QRSL1: variants seen among roughly 807,000 people sequenced by gnomAD.
The protein encoded by QRSL1 is glutamyl-tRNA(Gln) amidotransferase subunit A, mitochondrial.
In QRSL1, 54 loss-of-function variants were observed where a neutral mutation model predicts 61.6. That is an observed-to-expected ratio of 0.88 (90% CI 0.70 to 1.10). QRSL1 has a LOEUF of 1.10. Ranked by LOEUF, QRSL1 falls within the 50% of genes least tolerant of loss-of-function variation. QRSL1 has a pLI of 0.00. For synonymous variants in QRSL1, 228 were observed against 225.7 expected, an observed-to-expected ratio of 1.01 and a Z score of -0.09; for missense variants, 505 against 622.6, an observed-to-expected ratio of 0.81 and a Z score of 2.01.
intron 8 of QRSL1, 81 bp from the exon 9 acceptor site, chr6:106,655,532 AAG>A: frequency 2.5e-6 from 2 of 792,910 alleles, no homozygotes. Context: ...AAAAAAAAAA[AAG>A]TGAATCTAGG....
chr6:106,662,831 A>G, intron 9 of QRSL1, 149 bp from the exon 10 acceptor site: 1 of 660,376 alleles, frequency 1.5e-6, no homozygotes, highest in South Asian at 1.9e-5. Context: ...GCCAGGGGGA[A>G]GGGAATGGGC....
chr6:106,663,208 C>G (rs752174719), intron 10 of QRSL1, 23 bp downstream of exon 10: 15 of 1,606,688 alleles, frequency 9.3e-6, no homozygotes, highest in South Asian at 1.1e-5. Context: ...CAGGAACATT[C>G]TGATTTTCTT....
intron 1 of QRSL1, among the ~76,000 whole-genome samples, chr6:106,633,096 A>G (rs1445869589): frequency 6.6e-6 from 1 of 152,236 alleles, no homozygotes; most frequent in East Asian, 1.9e-4. Flanking sequence ...GAAAAGAACT[A>G]TTTAGGAGAG....
intron 9 of QRSL1, among the ~76,000 whole-genome samples, chr6:106,661,582 A>ACGTTTT (rs1777355933): frequency 6.6e-6 from 1 of 151,364 alleles, no homozygotes; most frequent in South Asian, 2.1e-4. Context: ...AGAGTAAAAC[A>ACGTTTT]TATTTCACGT....
chr6:106,634,395 C>T (rs1309013136), intron 1 of QRSL1, among the ~76,000 whole-genome samples: 1 of 152,184 alleles, frequency 6.6e-6, no homozygotes, highest in Non-Finnish European at 1.5e-5. Context: ...AATCTGTGGA[C>T]ATGATCTGAG....
At chr6:106,649,244 TACAA>T (rs1168958964) in intron 5 of QRSL1, 43 bp downstream of exon 5, 1 of 1,568,744 alleles carries the variant, frequency 6.4e-7, no homozygotes, top group Non-Finnish European at 8.7e-7. Context: ...CCCACCCAAA[TACAA>T]ACAGTCATAA....
At chr6:106,643,784 T>C (rs1161737892) in intron 4 of QRSL1, among the ~76,000 whole-genome samples, 1 of 152,222 alleles carries the variant, frequency 6.6e-6, no homozygotes. Context: ...TTTATCTTTT[T>C]ATTCTCTGAA....
chr6:106,652,942 A>C, intron 7 of QRSL1: 1 of 543,756 alleles, frequency 1.8e-6, no homozygotes, highest in Non-Finnish European at 3.1e-6. Context: ...ATGTAAATGA[A>C]AAAGTGTGTC....
In QRSL1 at chr6:106,661,172, G is replaced by A. The variant is rs1287918590; in HGVS notation, c.1161-1808G>A. 6.6e-5 allele frequency among the ~76,000 whole-genome samples: 10 copies of A among 152,028 alleles called. No homozygotes were observed. In the South Asian group the frequency reaches 1.5e-3, roughly 22 times the overall value. The stretch of plus-strand genomic sequence containing the variant: ...TGTCGCCAGGCTGGAGTGCAGTGGC[G>A]CGATCTTGGCTCACTGCATCCTCCA... On this transcript the variant is annotated intron_variant, in intron 9 of 10. Coordinates refer to ENST00000369046, the MANE Select transcript of QRSL1 (RefSeq NM_018292.5).
intron 8 of QRSL1, 106 bp downstream of exon 8, chr6:106,655,028 C>A: frequency 9.5e-7 from 1 of 1,050,392 alleles, no homozygotes; most frequent in Non-Finnish European, 1.4e-6. Flanking sequence ...GTTAGTGATT[C>A]AGAAAAGTTC....
rs766207760 is a variant in QRSL1, at chr6:106,665,950, G to T, written c.1535G>T (p.Cys512Phe). 2.4e-5 allele frequency: 39 copies of T among 1,613,870 alleles called. 1 individual carries two copies. In the East Asian group the frequency reaches 4.9e-4, roughly 20 times the overall value. Residue 512 changes from cysteine (C) to phenylalanine (F), a missense_variant, in exon 11 of 11, where the codon TGT becomes TTT. Physicochemically the swap from Cys to Phe is radical, Grantham distance 205. Transcript: ENST00000369046. ...CAACTTCAAGAACTCATGGATGATTGTTCAGCAGTCCTTGAAAATGAAAAG... is the reference window on the plus strand; with the variant it reads ...CAACTTCAAGAACTCATGGATGATTTTTCAGCAGTCCTTGAAAATGAAAAG... ...VIQLQELMDD[C>F]SAVLENEKLA...
intron 3 of QRSL1, 147 bp downstream of exon 3, chr6:106,641,068 G>C: frequency 3.1e-6 from 2 of 637,572 alleles, no homozygotes; most frequent in South Asian, 5.8e-5. Flanking sequence ...TTTACTATTT[G>C]CTCTTTTAGA....
chr6:106,643,604 C>T (rs1301383696), intron 4 of QRSL1, among the ~76,000 whole-genome samples: 6 of 151,136 alleles, frequency 4.0e-5, no homozygotes, highest in African/African-American at 7.3e-5. Context: ...CGCTTGAACC[C>T]GGGAGGCGGA....
chr6:106,648,058 G>A (rs1261330613), intron 4 of QRSL1, among the ~76,000 whole-genome samples: 1 of 151,590 alleles, frequency 6.6e-6, no homozygotes, highest in Non-Finnish European at 1.5e-5. Flanking sequence ...AGCACTTTGG[G>A]AGGCCAAGGC....
chr6:106,653,989 C>T (rs1777225115), intron 7 of QRSL1, among the ~76,000 whole-genome samples: 1 of 152,054 alleles, frequency 6.6e-6, no homozygotes, highest in Non-Finnish European at 1.5e-5. Flanking sequence ...TTTTCATTAA[C>T]AAAATGAAGG....
chr6:106,633,311 A>G (rs2114696752), intron 1 of QRSL1, among the ~76,000 whole-genome samples: 2 of 152,354 alleles, frequency 1.3e-5, no homozygotes, highest in East Asian at 1.9e-4. Flanking sequence ...TAATTAATTC[A>G]TACAAATTAT....
intron 7 of QRSL1, among the ~76,000 whole-genome samples, chr6:106,654,265 G>A (rs572002890): frequency 2.2e-4 from 33 of 152,190 alleles, no homozygotes; most frequent in African/African-American, 7.9e-4. Flanking sequence ...CAGGAGAATG[G>A]CGTGAACCCA....
At chr6:106,654,193 A>G (rs1777230947) in intron 7 of QRSL1, among the ~76,000 whole-genome samples, 1 of 152,174 alleles carries the variant, frequency 6.6e-6, no homozygotes, top group African/African-American at 2.4e-5. Flanking sequence ...TAAAAAAAAT[A>G]CAAAAAATTA....
chr6:106,650,663 A>G (rs1359757115), intron 5 of QRSL1, among the ~76,000 whole-genome samples: 4 of 152,228 alleles, frequency 2.6e-5, no homozygotes, highest in African/African-American at 9.6e-5. Flanking sequence ...ATGCAATGAC[A>G]TGGAAAAATA....
Sources: allele counts gnomAD v4.1 joint callset (sites outside exome capture counted in the v4.1 genomes callset), GRCh38; gene constraint gnomAD v4.1.1; transcripts MANE v1.5; gene names NCBI Gene and HGNC (gene_info 2026-07-23, HGNC 2026-07-21).